Variants in RETREG3 observed in about 807,000 individuals in gnomAD.
The protein encoded by RETREG3 is reticulophagy regulator 3.
A neutral mutation model predicts 50.2 loss-of-function variants in RETREG3; 23 were observed. The ratio of observed to expected loss-of-function variants is 0.46; its 90% CI spans 0.33 to 0.65. The LOEUF (loss-of-function observed/expected upper bound fraction) is 0.65, where lower values mean the gene tolerates loss of function less well. Ranked by LOEUF, RETREG3 falls within the 30% of genes least tolerant of loss-of-function variation. The pLI is 0.02. For missense variants in RETREG3, 546 were observed against 598.0 expected (o/e 0.91, Z 0.91); for synonymous variants, 240 against 234.4 (o/e 1.02, Z -0.22).
At chr17:42,587,134 T>C (rs1481087803) in intron 3 of RETREG3, among the ~76,000 whole-genome samples, 1 of 152,190 alleles carries the variant, frequency 6.6e-6, no homozygotes, top group African/African-American at 2.4e-5. Flanking sequence ...TCCACGTGTG[T>C]AAACCTGTCC....
Position 42,579,840 on chromosome 17 carries a change from C to T in RETREG3, c.*1973G>A, listed in dbSNP as rs2093103516. The T allele has an allele frequency of 6.5e-6, 1 of 152,770 alleles. No homozygotes were observed. Among genetic ancestry groups the T allele is most frequent in the African/African-American group, 2.4e-5 (1 of 41,392 alleles). The allele number at this position is 152,770 out of a possible 1,614,324, so 9.5% of individuals were successfully genotyped here. On this transcript the variant is annotated 3_prime_UTR_variant, in exon 9 of 9. Transcript: ENST00000309428. ...CCCACTATGAGTGACTATGAGACAC[C>T]TAACTCTTCCCTCTTCTGTCAACCA...
intron 1 of RETREG3, among the ~76,000 whole-genome samples, chr17:42,608,033 A>C (rs981332674): frequency 3.9e-5 from 6 of 152,308 alleles, no homozygotes; most frequent in African/African-American, 1.4e-4. Context: ...CTCACTGAAA[A>C]TCTTTCAGAT....
At chr17:42,585,773 C>G (rs1236774616) in intron 5 of RETREG3, among the ~76,000 whole-genome samples, 1 of 152,190 alleles carries the variant, frequency 6.6e-6, no homozygotes, top group African/African-American at 2.4e-5. Context: ...TAAAAATTCT[C>G]TCCTTAAACA....
chr17:42,607,749 T>C (rs1163239962), intron 1 of RETREG3, among the ~76,000 whole-genome samples: 1 of 149,410 alleles, frequency 6.7e-6, no homozygotes, highest in African/African-American at 2.5e-5. Flanking sequence ...GAGGTTGCAG[T>C]GAGCCGAGAT....
intron 2 of RETREG3, among the ~76,000 whole-genome samples, chr17:42,591,404 G>A (rs1190663642): frequency 6.6e-6 from 1 of 150,738 alleles, no homozygotes; most frequent in Non-Finnish European, 1.5e-5. Context: ...GCAGTGGCAC[G>A]ATCTCGGCTC....
intron 2 of RETREG3, among the ~76,000 whole-genome samples, chr17:42,588,402 T>C (rs938244906): frequency 2.3e-4 from 35 of 151,392 alleles, no homozygotes; most frequent in Admixed American, 7.2e-4. Context: ...CCCACCACAA[T>C]GCCCGGCTAA....
At chr17:42,608,720 T>C (rs1261826923) in intron 1 of RETREG3, 8 of 216,458 alleles carry the variant, frequency 3.7e-5, no homozygotes, top group Admixed American at 1.1e-4. Flanking sequence ...GGAAACAATC[T>C]AGAACTTGCA....
chr17:42,586,982 TG>T, intron 3 of RETREG3, 91 bp from the exon 4 acceptor site: 1 of 1,541,608 alleles, frequency 6.5e-7, no homozygotes. Flanking sequence ...CGGTTTTAAA[TG>T]GGGTTTGGGG....
At chr17:42,587,983 C>G (rs974989685) in intron 2 of RETREG3, 119 bp from the exon 3 acceptor site, 1 of 1,134,688 alleles carries the variant, frequency 8.8e-7, no homozygotes, top group African/African-American at 1.5e-5. Context: ...ACAGTAATAG[C>G]CGATAAAAAA....
At chr17:42,589,285 A>G (rs1000205705) in intron 2 of RETREG3, among the ~76,000 whole-genome samples, 4 of 152,138 alleles carry the variant, frequency 2.6e-5, no homozygotes, top group African/African-American at 7.2e-5. Flanking sequence ...CAACACTTCA[A>G]AATTAACCTG....
At position 42,609,137 on chromosome 17, in the gene RETREG3, T is replaced by A; in HGVS notation, c.188A>T (p.Glu63Val). The A allele has an allele frequency of 2.5e-6, 4 of 1,609,686 alleles. No homozygotes were observed. The Middle Eastern group carries it at 5.0e-4, about 199-fold the overall frequency. The change falls in exon 1 of 9, where the codon GAG becomes GTG. Residue 63 changes from glutamate (E) to valine (V), a missense_variant. Transcript: ENST00000309428. ...CCACAGAGCGCTCCTAGCTGGCCGC[T>A]CCCACACCAGGGCTGCCTGCACCCG... ...LSRVQAALVWERPARSALWCL... is the reference protein window; with the variant it reads ...LSRVQAALVWVRPARSALWCL...
chr17:42,604,711 A>AG (rs1241063434), intron 1 of RETREG3, among the ~76,000 whole-genome samples: 1 of 149,984 alleles, frequency 6.7e-6, no homozygotes, highest in East Asian at 1.9e-4. Flanking sequence ...AAAAAAAAAA[A>AG]AAAAAAACTG....
At chr17:42,594,836 G>A (rs1042363615) in intron 1 of RETREG3, among the ~76,000 whole-genome samples, 1 of 151,900 alleles carries the variant, frequency 6.6e-6, no homozygotes, top group Non-Finnish European at 1.5e-5. Flanking sequence ...GGGCGACAGA[G>A]TGGAACTCCG....
chr17:42,592,621 A>G (rs2093135438), intron 1 of RETREG3, among the ~76,000 whole-genome samples: 1 of 152,188 alleles, frequency 6.6e-6, no homozygotes, highest in Non-Finnish European at 1.5e-5. Context: ...ATATTTGATT[A>G]AGGTCACACA....
chr17:42,596,401 A>C (rs2093145005), intron 1 of RETREG3: 1 of 100,666 alleles, frequency 9.9e-6, no homozygotes. Context: ...AAAAAAAAAG[A>C]AATAAAAATG....
At position 42,583,567 on chromosome 17, in the gene RETREG3, A is replaced by T; in HGVS notation, c.741T>A (p.Ala247=). The change falls in exon 7 of 9, where the codon GCT becomes GCA. Residue 247 remains alanine (A), a synonymous_variant. Transcript: ENST00000309428. ...KQRERQLRRR[A]LHPERAMDNH... Reference sequence around the variant, plus strand: ...TGTCCATGGCTCGTTCTGGGTGGAGAGCTCTGCGGCGTACTGTGGGAAGAG... The same window carrying T: ...TGTCCATGGCTCGTTCTGGGTGGAGTGCTCTGCGGCGTACTGTGGGAAGAG... 6.2e-7 allele frequency: 1 copy of T among 1,613,586 alleles called. No individual in the cohort carries two copies. The highest frequency in any genetic ancestry group is 8.5e-7 in the Non-Finnish European group (1 of 1,179,696).
intron 1 of RETREG3, among the ~76,000 whole-genome samples, chr17:42,599,427 G>T (rs577991374): frequency 1.7e-4 from 26 of 152,184 alleles, no homozygotes; most frequent in African/African-American, 5.8e-4. Flanking sequence ...GCCTTAGGTG[G>T]GTGGATAACC....
intron 1 of RETREG3, among the ~76,000 whole-genome samples, chr17:42,594,357 A>G (rs1002649191): frequency 1.3e-5 from 2 of 152,034 alleles, no homozygotes; most frequent in Admixed American, 6.6e-5. Flanking sequence ...GGAGTTCAAA[A>G]CCAGCCTGGA....
chr17:42,587,617 T>A (rs2093123807), intron 3 of RETREG3: 2 of 559,362 alleles, frequency 3.6e-6, no homozygotes, highest in Non-Finnish European at 6.4e-6. Flanking sequence ...ACTGTAATGC[T>A]TCTTTTTCAG....
Sources: gnomAD v4.1 joint callset for allele counts (sites outside exome capture counted in the v4.1 genomes callset) on GRCh38, gnomAD v4.1.1 for gene constraint, MANE v1.5 for transcripts, NCBI Gene and HGNC (gene_info 2026-07-23, HGNC 2026-07-21) for gene names.